KCNIP1: variants seen among roughly 807,000 people sequenced by gnomAD.
KCNIP1 encodes potassium voltage-gated channel interacting protein 1, also known as A-type potassium channel modulatory protein KCNIP1.
In KCNIP1, 18 loss-of-function variants were observed where a neutral mutation model predicts 33.0. That is an observed-to-expected ratio of 0.55 (90% CI 0.38 to 0.81). The LOEUF (loss-of-function observed/expected upper bound fraction) is 0.81, where lower values mean the gene tolerates loss of function less well. Ranked by LOEUF, KCNIP1 falls within the 30% of genes least tolerant of loss-of-function variation. The pLI, the probability that KCNIP1 is intolerant of heterozygous loss-of-function variation, is 0.00. For missense variants in KCNIP1, 238 were observed against 271.6 expected (o/e 0.88, Z 0.87); for synonymous variants, 93 against 98.3 (o/e 0.95, Z 0.32).
At position 170,367,401 on chromosome 5, in the gene KCNIP1, GAAA is replaced by G. The variant is rs1391700636; in HGVS notation, c.88+13438_88+13440del. ...AGAAAGAAAGAAAGAAAGAAAGAAA[GAAA>G]GAAAGAAAGAAAGAAAGGAAAGAAA... On this transcript the variant is annotated intron_variant, in intron 1 of 7. Coordinates refer to the KCNIP1 transcript ENST00000377360. 9.0e-3 allele frequency among the ~76,000 whole-genome samples: 1,085 copies of G among 121,106 alleles called. 20 individuals carry two copies. Among genetic ancestry groups the G allele is most frequent in the Non-Finnish European group, 0.012 (664 of 57,516 alleles). 79.5% of individuals were successfully genotyped at this position (121,106 alleles called of 152,430 possible).
intron 1 of KCNIP1, among the ~76,000 whole-genome samples, chr5:170,456,645 C>T (rs1475953296): frequency 7.0e-6 from 1 of 142,720 alleles, no homozygotes. Flanking sequence ...TCACTGAAAC[C>T]AAAAAGTGGT....
At chr5:170,563,764 C>CCGGGTTCAAGCGATTCTCCCG (rs1561689011) in intron 1 of KCNIP1, among the ~76,000 whole-genome samples, 1 of 152,178 alleles carries the variant, frequency 6.6e-6, no homozygotes, top group Non-Finnish European at 1.5e-5. Flanking sequence ...CCTCAGCCTC[C>CCGGGTTCAAGCGATTCTCCCG]CAAGTAGCTT....
chr5:170,359,626 C>T (rs1220365461), intron 1 of KCNIP1, among the ~76,000 whole-genome samples: 1 of 152,144 alleles, frequency 6.6e-6, no homozygotes, highest in Admixed American at 6.5e-5. Context: ...TTTGATTATC[C>T]AGGGCTTCTG....
At chr5:170,355,795 A>C (rs1581102578) in intron 1 of KCNIP1, among the ~76,000 whole-genome samples, 1 of 152,354 alleles carries the variant, frequency 6.6e-6, no homozygotes, top group East Asian at 1.9e-4. Flanking sequence ...TCCATGTGAC[A>C]CAGAAGGGAC....
At chr5:170,354,062 G>C in intron 1 of KCNIP1, 1 of 1,148,726 alleles carries the variant, frequency 8.7e-7, no homozygotes, top group Middle Eastern at 2.0e-4. Flanking sequence ...GGTGCACCCA[G>C]GTCTTGGAAA....
intron 1 of KCNIP1, among the ~76,000 whole-genome samples, chr5:170,592,103 A>T (rs1394707328): frequency 1.3e-5 from 2 of 152,166 alleles, no homozygotes; most frequent in Admixed American, 6.5e-5. Context: ...ATCCTCACCA[A>T]CACTTGTTAT....
At chr5:170,484,068 G>A (rs2113172981) in intron 1 of KCNIP1, 1 of 152,408 alleles carries the variant, frequency 6.6e-6, no homozygotes. Flanking sequence ...GGGAGCAGGG[G>A]GCACTCACAT....
intron 1 of KCNIP1, among the ~76,000 whole-genome samples, chr5:170,579,043 T>C (rs1757700825): frequency 6.6e-6 from 1 of 152,222 alleles, no homozygotes; most frequent in Non-Finnish European, 1.5e-5. Context: ...ACTGTAATGC[T>C]GTGTAACAAA....
chr5:170,647,585 A>G (rs576002540), intron 1 of KCNIP1, among the ~76,000 whole-genome samples: 1 of 151,968 alleles, frequency 6.6e-6, no homozygotes, highest in Non-Finnish European at 1.5e-5. Flanking sequence ...AAAAAAAAAA[A>G]GAGTCCACAC....
At chr5:170,481,993 C>T (rs1230924300) in intron 1 of KCNIP1, among the ~76,000 whole-genome samples, 1 of 152,202 alleles carries the variant, frequency 6.6e-6, no homozygotes, top group African/African-American at 2.4e-5. Flanking sequence ...TAAATCCCTG[C>T]CCTCCATCAG....
At chr5:170,445,931 G>T (rs901294792) in intron 1 of KCNIP1, among the ~76,000 whole-genome samples, 4 of 152,174 alleles carry the variant, frequency 2.6e-5, no homozygotes, top group Admixed American at 2.6e-4. Context: ...AGTTTGATTT[G>T]CCCAGTATCC....
At chr5:170,557,151 C>A (rs1387604702) in intron 1 of KCNIP1, among the ~76,000 whole-genome samples, 1 of 152,180 alleles carries the variant, frequency 6.6e-6, no homozygotes, top group Non-Finnish European at 1.5e-5. Context: ...ACCCAACACC[C>A]CTGGGCCTCT....
intron 4 of KCNIP1, among the ~76,000 whole-genome samples, chr5:170,722,420 A>G (rs537710735): frequency 6.6e-6 from 1 of 152,210 alleles, no homozygotes; most frequent in Admixed American, 6.5e-5. Context: ...GGGATGATAG[A>G]CAGACCACTG....
At chr5:170,369,200 GC>G (rs749569019) in intron 1 of KCNIP1, among the ~76,000 whole-genome samples, 7 of 152,178 alleles carry the variant, frequency 4.6e-5, no homozygotes, top group Non-Finnish European at 2.9e-5. Context: ...GTAACATTAG[GC>G]AAGGTACTTA....
chr5:170,530,990 C>T (rs79908010), intron 1 of KCNIP1, among the ~76,000 whole-genome samples: 9 of 152,300 alleles, frequency 5.9e-5, no homozygotes, highest in Admixed American at 1.3e-4. Context: ...TGACCCTCTT[C>T]GAGATTCTCT....
intron 1 of KCNIP1, among the ~76,000 whole-genome samples, chr5:170,404,686 T>A (rs79363625): frequency 0.015 from 2,258 of 152,286 alleles, 26 homozygotes; most frequent in African/African-American, 0.025. Flanking sequence ...AAACTCACAC[T>A]GTCACTTACA....
chr5:170,721,298 TTTA>T (rs1220800810), intron 3 of KCNIP1, among the ~76,000 whole-genome samples: 2 of 152,140 alleles, frequency 1.3e-5, no homozygotes, highest in Non-Finnish European at 2.9e-5. Context: ...TGAGCCACTG[TTTA>T]TTGAGTTCTC....
At chr5:170,555,061 G>A (rs940754617) in intron 1 of KCNIP1, among the ~76,000 whole-genome samples, 6 of 152,078 alleles carry the variant, frequency 3.9e-5, no homozygotes, top group African/African-American at 1.2e-4. Flanking sequence ...GCTGGCAGGC[G>A]GAGCAGAATC....
chr5:170,425,635 G>C (rs941067354), intron 1 of KCNIP1, among the ~76,000 whole-genome samples: 3 of 152,196 alleles, frequency 2.0e-5, no homozygotes, highest in Non-Finnish European at 4.4e-5. Flanking sequence ...TTTGGCTGGA[G>C]AGAGACTTGG....
Sources: allele counts gnomAD v4.1 joint callset (sites outside exome capture counted in the v4.1 genomes callset), GRCh38; gene constraint gnomAD v4.1.1; transcripts MANE v1.5; gene names NCBI Gene and HGNC (gene_info 2026-07-23, HGNC 2026-07-21).